The following FRAS1 variants were observed in gnomAD, a reference collection of about 807,000 sequenced individuals.
FRAS1 encodes the protein Fraser extracellular matrix complex subunit 1, also known as extracellular matrix organizing protein FRAS1.
FRAS1 carries 290 observed loss-of-function variants against 435.2 expected under a neutral mutation model. That is an observed-to-expected ratio of 0.67 (90% CI 0.61 to 0.73). FRAS1 has a LOEUF of 0.73. Ranked by LOEUF, FRAS1 falls within the 30% of genes least tolerant of loss-of-function variation. FRAS1 has a pLI of 0.00. For missense variants in FRAS1, 4,860 were observed against 5,001.5 expected (o/e 0.97, Z 0.85); for synonymous variants, 1,800 against 1,851.0 (o/e 0.97, Z 0.71).
In FRAS1 at chr4:78,511,338, A is replaced by C. The variant is rs527476410; in HGVS notation, c.9845A>C (p.Lys3282Thr). ...HVRCVAKAVD[K>T]VGHVGTPLRS... ...CGTTGTGTGGCCAAGGCTGTGGACA[A>C]GGTGGGCCATGTGGGGACCCCCTTA... The change falls in exon 64 of 74, where the codon AAG (lysine) becomes ACG (threonine). Residue 3282 changes from lysine (K) to threonine (T), a missense_variant. Physicochemically the swap from Lys to Thr is moderately conservative, Grantham distance 78 (BLOSUM62 -1). Coordinates refer to ENST00000512123, the MANE Select transcript of FRAS1 (RefSeq NM_025074.7). 1.2e-6 allele frequency: 2 copies of C among 1,613,566 alleles called. No homozygotes were observed. The highest frequency in any genetic ancestry group is 1.1e-5 in the South Asian group (1 of 91,056).
intron 29 of FRAS1, among the ~76,000 whole-genome samples, chr4:78,388,791 G>C (rs1732328556): frequency 6.6e-6 from 1 of 152,156 alleles, no homozygotes; most frequent in Non-Finnish European, 1.5e-5. Flanking sequence ...GTGGATGACA[G>C]AGCAAGGCCC....
Position 78,180,992 on chromosome 4 carries a change from A to T in FRAS1, c.109-56518A>T, listed in dbSNP as rs1334868322. The T allele has an allele frequency of 7.5e-6, 12 of 1,610,292 alleles. No homozygotes were observed. In the Admixed American group the frequency reaches 2.0e-4, roughly 27 times the overall value. On this transcript the variant is annotated intron_variant, in intron 2 of 73. Coordinates refer to ENST00000512123, the MANE Select transcript of FRAS1 (RefSeq NM_025074.7). ...GTCCACCTTGTCCTCCCCTGCCGCCACGTCCTGGGCGGCCAAGGTCTCCAA... is the reference window on the plus strand; with the variant it reads ...GTCCACCTTGTCCTCCCCTGCCGCCTCGTCCTGGGCGGCCAAGGTCTCCAA...
intron 70 of FRAS1, among the ~76,000 whole-genome samples, chr4:78,527,835 G>C (rs1322751130): frequency 6.6e-6 from 1 of 152,154 alleles, no homozygotes; most frequent in East Asian, 1.9e-4. Flanking sequence ...CAGGATGCTT[G>C]TATGCTGGTG....
chr4:78,490,868 TG>T (rs942976471), intron 59 of FRAS1, among the ~76,000 whole-genome samples: 17 of 6,472 alleles, frequency 2.6e-3, no homozygotes, highest in East Asian at 0.017. Context: ...ATCCAGGAGC[TG>T]GTTTTTTTTT....
chr4:78,436,377 G>A (rs914846678), intron 38 of FRAS1, among the ~76,000 whole-genome samples: 23 of 152,226 alleles, frequency 1.5e-4, no homozygotes, highest in Middle Eastern at 3.4e-3. Context: ...TGGTGGGAGC[G>A]TAAACTGGAT....
At chr4:78,385,879 T>C (rs1449506305) in intron 28 of FRAS1, among the ~76,000 whole-genome samples, 1 of 148,542 alleles carries the variant, frequency 6.7e-6, no homozygotes, top group Admixed American at 6.7e-5. Context: ...AGTGAGACTC[T>C]GTCTAAAAAA....
intron 1 of FRAS1, among the ~76,000 whole-genome samples, chr4:78,060,779 A>G (rs1739727437): frequency 6.6e-6 from 1 of 152,190 alleles, no homozygotes; most frequent in Admixed American, 6.5e-5. Flanking sequence ...AACATAGAAG[A>G]AAAAGAGATC....
At chr4:78,409,310 C>T (rs1374298693) in intron 31 of FRAS1, among the ~76,000 whole-genome samples, 1 of 151,824 alleles carries the variant, frequency 6.6e-6, no homozygotes, top group Admixed American at 6.6e-5. Flanking sequence ...GTCAAAACAG[C>T]AAACACTTAA....
intron 2 of FRAS1, among the ~76,000 whole-genome samples, chr4:78,090,592 C>T (rs185749556): frequency 1.0e-3 from 158 of 152,216 alleles, no homozygotes; most frequent in African/African-American, 3.6e-3. Flanking sequence ...ATGCTGTTCC[C>T]GAGGCCCCCA....
In FRAS1 at chr4:78,245,326, G is replaced by C; in HGVS notation, c.309+1G>C. The C allele has an allele frequency of 6.3e-7, 1 of 1,588,746 alleles. No homozygotes were observed. Among genetic ancestry groups the C allele is most frequent in the Non-Finnish European group, 8.6e-7 (1 of 1,162,760 alleles). ...CCATCATGAAAAGAAAATCCATGAG[G>C]TAAGTGTTTTCTGACTCACGGTTGA... On this transcript the variant is annotated splice_donor_variant, in intron 4 of 73. Transcript: ENST00000512123. LOFTEE classifies it high-confidence loss of function.
At chr4:78,522,977 A>G (rs1219455894) in intron 69 of FRAS1, among the ~76,000 whole-genome samples, 169 bp downstream of exon 69, 2 of 152,194 alleles carry the variant, frequency 1.3e-5, no homozygotes, top group Non-Finnish European at 2.9e-5. Flanking sequence ...TAGCCCAGCT[A>G]CTCAGGAGGA....
At chr4:78,114,237 T>C (rs1742967189) in intron 2 of FRAS1, among the ~76,000 whole-genome samples, 1 of 152,196 alleles carries the variant, frequency 6.6e-6, no homozygotes, top group African/African-American at 2.4e-5. Flanking sequence ...TGTAGCCTTG[T>C]AGTATAGTTT....
rs935885362 is a variant in FRAS1, at chr4:78,475,721, C to T, written c.7851+115C>T. On this transcript the variant is annotated intron_variant, in intron 54 of 73. Coordinates refer to ENST00000512123, the MANE Select transcript of FRAS1 (RefSeq NM_025074.7). ...TTTGCTTTTCACTGGTGTCCTTCTT[C>T]AAGTATTAAATAGTTTTCCTATGTT... 10 of 952,816 alleles carry T rather than the reference C, an allele frequency of 1.0e-5. No individual in the cohort carries two copies. In the African/African-American group the frequency reaches 1.1e-4, roughly 11 times the overall value. The allele number at this position is 952,816 out of a possible 1,614,324, so 59.0% of individuals were successfully genotyped here.
At chr4:78,159,129 C>G (rs1423227788) in intron 2 of FRAS1, among the ~76,000 whole-genome samples, 1 of 152,186 alleles carries the variant, frequency 6.6e-6, no homozygotes, top group Non-Finnish European at 1.5e-5. Context: ...TGTGCACAGA[C>G]TCTGGGCCCT....
intron 47 of FRAS1, among the ~76,000 whole-genome samples, chr4:78,458,918 G>T (rs1719286843): frequency 6.6e-6 from 1 of 152,186 alleles, no homozygotes; most frequent in Admixed American, 6.5e-5. Context: ...AGAGCAGAAA[G>T]AAAGCATTTA....
intron 14 of FRAS1, among the ~76,000 whole-genome samples, chr4:78,303,173 T>A (rs1480159634): frequency 2.6e-5 from 4 of 152,202 alleles, no homozygotes; most frequent in Non-Finnish European, 2.9e-5. Flanking sequence ...GTTGTAGATA[T>A]GCGGCATTAT....
At chr4:78,292,058 A>G (rs1553939659) in intron 14 of FRAS1, among the ~76,000 whole-genome samples, 1 of 152,220 alleles carries the variant, frequency 6.6e-6, no homozygotes, top group Non-Finnish European at 1.5e-5. Context: ...GTATAAATAC[A>G]TTATGCCTGG....
intron 2 of FRAS1, among the ~76,000 whole-genome samples, chr4:78,075,149 A>T (rs570154721): frequency 2.6e-5 from 4 of 152,300 alleles, no homozygotes; most frequent in East Asian, 1.9e-4. Context: ...GCCTGGAGTT[A>T]TGTGTTGATA....
chr4:78,417,888 C>A (rs539046522), intron 32 of FRAS1, among the ~76,000 whole-genome samples: 1 of 152,286 alleles, frequency 6.6e-6, no homozygotes, highest in South Asian at 2.1e-4. Context: ...TAGGAAGAGC[C>A]CATGATGAGC....
Sources: allele counts gnomAD v4.1 joint callset (sites outside exome capture counted in the v4.1 genomes callset), GRCh38; gene constraint gnomAD v4.1.1; transcripts MANE v1.5; gene names NCBI Gene and HGNC (gene_info 2026-07-23, HGNC 2026-07-21).